Variants in ORC4 observed in about 807,000 individuals in gnomAD.
ORC4 encodes the protein origin recognition complex, subunit 4 homolog.
In ORC4, 55 loss-of-function variants were observed where a neutral mutation model predicts 63.9. The observed-to-expected ratio is 0.86, with a 90% CI of 0.69 to 1.08. The LOEUF (loss-of-function observed/expected upper bound fraction) is 1.08. ORC4 is among the 50% of genes least tolerant of loss of function. The pLI is 0.00. For missense variants in ORC4, 511 were observed against 504.4 expected, an observed-to-expected ratio of 1.01 and a Z score of -0.13; for synonymous variants, 150 against 168.5, an observed-to-expected ratio of 0.89 and a Z score of 0.85.
At chr2:147,941,436 T>C (rs1688357752) in intron 10 of ORC4, among the ~76,000 whole-genome samples, 1 of 151,950 alleles carries the variant, frequency 6.6e-6, no homozygotes, top group Admixed American at 6.6e-5. Flanking sequence ...CAATAAATAT[T>C]AATAGTCACA....
chr2:147,987,403 CACACACACAA>C (rs1407245904), intron 1 of ORC4, among the ~76,000 whole-genome samples: 2 of 147,202 alleles, frequency 1.4e-5, no homozygotes, highest in Admixed American at 6.8e-5. Context: ...CACACACACA[CACACACACAA>C]AAAGTAACAT....
intron 8 of ORC4, 140 bp from the exon 9 acceptor site, chr2:147,948,364 A>G: frequency 1.7e-6 from 1 of 595,716 alleles, no homozygotes; most frequent in Admixed American, 3.3e-5. Context: ...TAAACATTTA[A>G]AACATTTTAT....
chr2:147,996,548 C>T (rs577430154), intron 1 of ORC4, among the ~76,000 whole-genome samples: 3 of 152,224 alleles, frequency 2.0e-5, no homozygotes, highest in South Asian at 2.1e-4. Context: ...TATTTTGTTA[C>T]ACAAAATATA....
chr2:148,005,656 C>CAAAAA (rs55869341), intron 1 of ORC4, among the ~76,000 whole-genome samples: 1,167 of 50,752 alleles, frequency 0.023, 11 homozygotes, highest in Middle Eastern at 0.043. Flanking sequence ...ACTATCCATG[C>CAAAAA]AAAAAAAAAA....
In ORC4 at chr2:147,935,707, T is replaced by C. The variant is rs749761040; in HGVS notation, c.1123-9A>G. 3 of 1,609,518 alleles carry C rather than the reference T, an allele frequency of 1.9e-6. No homozygotes were observed. The highest frequency in any genetic ancestry group is 2.2e-5 in the South Asian group (2 of 90,924). On this transcript the variant is annotated splice_polypyrimidine_tract_variant and intron_variant, in intron 13 of 13. Transcript: ENST00000392857. ...TGCAAGTGTTCAAAAGCCTGAAAGA[T>C]GAAAGAAATAGTTTAGGTTGAATAG...
At chr2:147,976,756 A>G (rs1038094541) in intron 1 of ORC4, among the ~76,000 whole-genome samples, 2 of 152,106 alleles carry the variant, frequency 1.3e-5, no homozygotes, top group Non-Finnish European at 2.9e-5. Context: ...TTTATTATTG[A>G]ATTATTTTAA....
intron 7 of ORC4, among the ~76,000 whole-genome samples, chr2:147,955,106 T>C (rs1443222360): frequency 6.6e-6 from 1 of 152,008 alleles, no homozygotes; most frequent in Non-Finnish European, 1.5e-5. Flanking sequence ...CACATTTATC[T>C]CTATCAATAA....
At chr2:147,943,161 C>T (rs556198202) in intron 10 of ORC4, among the ~76,000 whole-genome samples, 16 of 152,084 alleles carry the variant, frequency 1.1e-4, no homozygotes, top group African/African-American at 3.6e-4. Context: ...TTGGAACACT[C>T]GATGTAGTGT....
At chr2:147,977,227 A>C (rs1690614503) in intron 1 of ORC4, among the ~76,000 whole-genome samples, 1 of 152,220 alleles carries the variant, frequency 6.6e-6, no homozygotes, top group Non-Finnish European at 1.5e-5. Flanking sequence ...AACCAAGTTA[A>C]CCACTTTTTT....
intron 6 of ORC4, among the ~76,000 whole-genome samples, chr2:147,955,647 G>A (rs553248182): frequency 4.6e-5 from 7 of 151,724 alleles, no homozygotes; most frequent in East Asian, 1.9e-4. Context: ...AGGATAAAAC[G>A]GTCAAAGAAG....
intron 5 of ORC4, 78 bp from the exon 6 acceptor site, chr2:147,958,461 T>A: frequency 3.9e-6 from 4 of 1,030,024 alleles, no homozygotes; most frequent in Non-Finnish European, 4.5e-6. Context: ...TCCAGTTAAG[T>A]AAATCTTCCC....
At chr2:147,936,452 A>C (rs557807054) in intron 13 of ORC4, 1 of 152,280 alleles carries the variant, frequency 6.6e-6, no homozygotes, top group South Asian at 2.1e-4. Flanking sequence ...TGATATACTA[A>C]CCATTAAATA....
At position 147,935,516 on chromosome 2, in the gene ORC4, C is replaced by A. The variant is rs770237460; in HGVS notation, c.1305G>T (p.Trp435Cys). The A allele has an allele frequency of 1.5e-5, 24 of 1,612,566 alleles. No individual in the cohort carries two copies. The highest frequency in any genetic ancestry group is 2.0e-5 in the Non-Finnish European group (24 of 1,178,810). Residue 435 changes from tryptophan (W) to cysteine (C), a missense_variant, in exon 14 of 14, where the codon TGG becomes TGT. Coordinates refer to ENST00000392857, the MANE Select transcript of ORC4 (RefSeq NM_181741.4). ...TTGAAGTCACTGGTTATATTCATAA[C>A]CAGCTTAGTGAGGATGTTGCCCACT... ...VRQWATSSLSWL is the reference protein window; with the variant it reads ...VRQWATSSLSCL
chr2:147,983,241 T>G (rs1002528909), intron 1 of ORC4, among the ~76,000 whole-genome samples: 2 of 152,246 alleles, frequency 1.3e-5, no homozygotes, highest in Non-Finnish European at 2.9e-5. Context: ...GAAAAACTTA[T>G]GTTCACACAA....
Position 147,938,179 on chromosome 2 carries a change from G to A in ORC4, c.1089C>T (p.Ser363=). 13 of 1,612,406 alleles carry A rather than the reference G, an allele frequency of 8.1e-6. No individual in the cohort carries two copies. The highest frequency in any genetic ancestry group is 1.0e-5 in the Non-Finnish European group (12 of 1,178,912). Reference sequence around the variant, plus strand: ...CAACAGGTTTTTCAAAATTATAAACGGAATGTGCTTTCCTTTGAACAAACT... The same window carrying A: ...CAACAGGTTTTTCAAAATTATAAACAGAATGTGCTTTCCTTTGAACAAACT... The part of the protein sequence containing the change: ...FQKFVQRKAH[S]VYNFEKPVVM... Residue 363 remains serine (S), a synonymous_variant, in exon 13 of 14, where the codon TCC becomes TCT. Coordinates refer to ENST00000392857, the MANE Select transcript of ORC4 (RefSeq NM_181741.4).
intron 9 of ORC4, among the ~76,000 whole-genome samples, chr2:147,943,796 T>C (rs970922007): frequency 1.3e-5 from 2 of 152,112 alleles, no homozygotes; most frequent in East Asian, 1.9e-4. Flanking sequence ...TAAGGGAAAC[T>C]ACTACACAGT....
intron 1 of ORC4, among the ~76,000 whole-genome samples, chr2:148,013,988 T>C (rs1206567306): frequency 6.6e-6 from 1 of 152,162 alleles, no homozygotes. Flanking sequence ...TTTTCCTGTC[T>C]AGAAGAAAAG....
At chr2:147,943,149 G>A (rs1465161544) in intron 10 of ORC4, among the ~76,000 whole-genome samples, 1 of 152,114 alleles carries the variant, frequency 6.6e-6, no homozygotes, top group Non-Finnish European at 1.5e-5. Flanking sequence ...CCTATTCAGA[G>A]ATTGGAACAC....
chr2:147,935,796 G>C, intron 13 of ORC4, 98 bp from the exon 14 acceptor site: 1 of 1,026,946 alleles, frequency 9.7e-7, no homozygotes, highest in Non-Finnish European at 1.5e-6. Flanking sequence ...GTCAGCTGCA[G>C]AACAGAGTAC....
Sources: gnomAD v4.1 joint callset for allele counts (sites outside exome capture counted in the v4.1 genomes callset) on GRCh38, gnomAD v4.1.1 for gene constraint, MANE v1.5 for transcripts, NCBI Gene and HGNC (gene_info 2026-07-23, HGNC 2026-07-21) for gene names.